Variants in SLC6A8 observed in about 807,000 individuals in gnomAD.
SLC6A8 encodes the protein solute carrier family 6 member 8.
A neutral mutation model predicts 48.3 loss-of-function variants in SLC6A8; 6 were observed. The observed-to-expected ratio is 0.12, with a 90% CI of 0.07 to 0.25. The LOEUF (loss-of-function observed/expected upper bound fraction) is 0.25. SLC6A8 is among the 10% of genes least tolerant of loss of function. SLC6A8 has a pLI of 1.00. For missense variants in SLC6A8, 260 were observed against 551.5 expected (o/e 0.47, Z 5.29); for synonymous variants, 245 against 244.0 (o/e 1.00, Z -0.04).
intron 1 of SLC6A8, 40 bp downstream of exon 1, chrX:153,688,876 G>GC: frequency 2.2e-6 from 2 of 925,760 alleles, no homozygotes; most frequent in Non-Finnish European, 2.8e-6. Context: ...CCCCCAGCAG[G>GC]CCGCCGGCCC....
In SLC6A8 at chrX:153,694,810, C is replaced by T; in HGVS notation, c.1688C>T (p.Ala563Val). The T allele has an allele frequency of 8.3e-7, 1 of 1,209,930 alleles. No homozygotes were observed. Residue 563 changes from alanine to valine, a missense_variant, in exon 12 of 13, where the codon GCC becomes GTC. By Grantham distance (64) the Ala-to-Val change is moderately conservative. This residue lies in a region of SLC6A8 where 87 missense variants were observed against 120.9 expected (regional missense o/e 0.72). Transcript: ENST00000253122. ...TGGTGGGGTGAGGCCATGGGCTGGGCCTTCGCCCTGTCCTCCATGCTGTGC... is the reference window on the plus strand; with the variant it reads ...TGGTGGGGTGAGGCCATGGGCTGGGTCTTCGCCCTGTCCTCCATGCTGTGC... Reference protein sequence around the residue: ...YPWWGEAMGWAFALSSMLCVP... With the variant: ...YPWWGEAMGWVFALSSMLCVP...
At position 153,694,547 on chromosome X, in the gene SLC6A8, A is replaced by G; in HGVS notation, c.1510A>G (p.Met504Val). The part of the protein sequence containing the change: ...VAWVYGADRF[M>V]DDIACMIGYR... ...CCTCGCCGCAGGAGCTGACCGCTTC[A>G]TGGACGACATTGCCTGTATGATCGG... The change falls in exon 11 of 13, where the codon ATG becomes GTG. Residue 504 changes from methionine (M) to valine (V), a missense_variant. Met to Val is a conservative substitution (Grantham distance 21, BLOSUM62 1). This residue lies in a region of SLC6A8 where 87 missense variants were observed against 120.9 expected (regional missense o/e 0.72). Transcript: ENST00000253122. 2 of 1,208,301 alleles carry G rather than the reference A, an allele frequency of 1.7e-6. No homozygotes were observed. Among genetic ancestry groups the G allele is most frequent in the Non-Finnish European group, 2.2e-6 (2 of 893,605 alleles).
At chrX:153,689,808 C>T (rs782633515) in intron 1 of SLC6A8, among the ~76,000 whole-genome samples, 163 of 112,002 alleles carry the variant, frequency 1.5e-3, no homozygotes, top group Admixed American at 5.2e-3. Context: ...TTGCTAAGGC[C>T]GGCCTGGCCC....
intron 1 of SLC6A8, among the ~76,000 whole-genome samples, chrX:153,689,968 C>G (rs1307491685): frequency 8.9e-6 from 1 of 112,862 alleles, no homozygotes; most frequent in East Asian, 2.8e-4. Context: ...GATGAGCCCC[C>G]CAGGCCTGAT....
rs782030501 is a variant in SLC6A8, at chrX:153,694,008, C to T, written c.1245C>T (p.Leu415=). Residue 415 remains leucine, a synonymous_variant, in exon 8 of 13, where the codon CTC becomes CTT. Coordinates refer to ENST00000253122, the MANE Select transcript of SLC6A8 (RefSeq NM_005629.4). Reference sequence around the variant, plus strand: ...TCTTCATGCTGTTGCTGCTTGGTCTCGACAGCCAGGTTTGCATGGGGCTCT... The same window carrying T: ...TCTTCATGCTGTTGCTGCTTGGTCTTGACAGCCAGGTTTGCATGGGGCTCT... ...LFFFMLLLLG[L]DSQFVGVEGF... 2.8e-5 allele frequency: 33 copies of T among 1,178,769 alleles called. No individual in the cohort carries two copies. Among genetic ancestry groups the T allele is most frequent in the Non-Finnish European group, 3.2e-5 (28 of 877,529 alleles).
Position 153,693,310 on chromosome X carries a change from C to T in SLC6A8, c.960C>T (p.Gly320=), listed in dbSNP as rs1603216822. ...AGATTTTCTTTTCTTACGCCATTGG[C>T]CTGGGGGCCCTCACAGCCCTGGGCA... The part of the protein sequence containing the change: ...GTQIFFSYAI[G]LGALTALGSY... Residue 320 remains glycine (G), a synonymous_variant, in exon 6 of 13, where the codon GGC becomes GGT. Coordinates refer to ENST00000253122, the MANE Select transcript of SLC6A8 (RefSeq NM_005629.4). 1 of 1,209,953 alleles carries T rather than the reference C, an allele frequency of 8.3e-7. No homozygotes were observed. The highest frequency in any genetic ancestry group is 1.7e-5 in the African/African-American group (1 of 57,269).
chrX:153,695,666 G>A lies in SLC6A8; in HGVS notation c.*452G>A, dbSNP rs1557046034. The A allele has an allele frequency of 2.9e-5, 5 of 173,032 alleles. No homozygotes were observed. The highest frequency in any genetic ancestry group is 1.5e-4 in the Admixed American group (2 of 13,739). The allele number at this position is 173,032 out of a possible 1,213,427, so 14.3% of individuals were successfully genotyped here. ...GAGGAGAGAGAGGAGAAGGGAGGCA[G>A]GGGAGGGGCAGCAGAACCAAGGCAA... On this transcript the variant is annotated 3_prime_UTR_variant, in exon 13 of 13. Coordinates refer to ENST00000253122, the MANE Select transcript of SLC6A8 (RefSeq NM_005629.4).
In SLC6A8 at chrX:153,695,527, C is replaced by G; in HGVS notation, c.*313C>G. 1 of 331,755 alleles carries G rather than the reference C, an allele frequency of 3.0e-6. No homozygotes were observed. The highest frequency in any genetic ancestry group is 3.8e-5 in the South Asian group (1 of 26,453). The allele number at this position is 331,755 out of a possible 1,213,427, so 27.3% of individuals were successfully genotyped here. ...CTCCTGCCCCTGCCACGCCCACCCC[C>G]TGCCCACCTCTCCAGGCTCTGCTCT... On this transcript the variant is annotated 3_prime_UTR_variant, in exon 13 of 13. Coordinates refer to ENST00000253122, the MANE Select transcript of SLC6A8 (RefSeq NM_005629.4).
intron 1 of SLC6A8, 53 bp downstream of exon 1, chrX:153,688,889 G>A (rs1187999217): frequency 1.2e-6 from 1 of 844,432 alleles, no homozygotes; most frequent in Admixed American, 4.3e-5. Context: ...GCCGGCCCCC[G>A]CCCGACCCCC....
At chrX:153,691,864 C>T in intron 3 of SLC6A8, 111 bp from the exon 4 acceptor site, 1 of 910,484 alleles carries the variant, frequency 1.1e-6, no homozygotes. Context: ...CAAGAGGGAC[C>T]CGCTGAACCC....
In SLC6A8 at chrX:153,694,561, C is replaced by T; in HGVS notation, c.1524C>T (p.Ala508=). 8.3e-7 allele frequency: 1 copy of T among 1,207,938 alleles called. No homozygotes were observed. The part of the protein sequence containing the change: ...YGADRFMDDI[A]CMIGYRPCPW... ...CTGACCGCTTCATGGACGACATTGC[C>T]TGTATGATCGGGTACCGACCTTGCC... Residue 508 remains alanine, a synonymous_variant, in exon 11 of 13, where the codon GCC becomes GCT. Coordinates refer to ENST00000253122, the MANE Select transcript of SLC6A8 (RefSeq NM_005629.4).
At chrX:153,691,804 G>A (rs1199467407) in intron 3 of SLC6A8, among the ~76,000 whole-genome samples, 171 bp from the exon 4 acceptor site, 1 of 112,926 alleles carries the variant, frequency 8.9e-6, no homozygotes, top group Non-Finnish European at 1.9e-5. Flanking sequence ...GGATGGGAGT[G>A]GCCTCCCAAT....
intron 2 of SLC6A8, chrX:153,690,940 G>A (rs1285242772): frequency 1.8e-5 from 5 of 272,397 alleles, no homozygotes; most frequent in African/African-American, 1.4e-4. Context: ...GAGGACTGGA[G>A]GCTACTGGGT....
rs2091484427 is a variant in SLC6A8, at chrX:153,695,355, T to G, written c.*141T>G. On this transcript the variant is annotated 3_prime_UTR_variant, in exon 13 of 13. Coordinates refer to ENST00000253122, the MANE Select transcript of SLC6A8 (RefSeq NM_005629.4). ...GGAGGAGGGGAGAAAGCACCATGAG[T>G]GCTCACTAAAACAACTTTTTCCATT... 1.7e-6 allele frequency: 1 copy of G among 596,606 alleles called. No individual in the cohort carries two copies. The highest frequency in any genetic ancestry group is 2.7e-5 in the South Asian group (1 of 36,813). The allele number at this position is 596,606 out of a possible 1,213,427, so 49.2% of individuals were successfully genotyped here.
chrX:153,693,122 G>A lies in SLC6A8; in HGVS notation c.859G>A (p.Asp287Asn). 8.3e-7 allele frequency: 1 copy of A among 1,210,654 alleles called. No homozygotes were observed. Among genetic ancestry groups the A allele is most frequent in the East Asian group, 3.0e-5 (1 of 33,808 alleles). Residue 287 changes from aspartate (D) to asparagine (N), a missense_variant, in exon 5 of 13, where the codon GAT (aspartate) becomes AAT (asparagine). Physicochemically the swap from Asp to Asn is conservative, Grantham distance 23. Coordinates refer to ENST00000253122, the MANE Select transcript of SLC6A8 (RefSeq NM_005629.4). ...TGGAGTGCTGCTGCCTGGCGCCCTG[G>A]ATGGCATCATTTACTATCTCAAGCC... ...VRGVLLPGAL[D>N]GIIYYLKPDW... is the part of the protein sequence containing the mutation.
intron 7 of SLC6A8, 65 bp downstream of exon 7, chrX:153,693,651 G>C: frequency 8.9e-7 from 1 of 1,118,861 alleles, no homozygotes; most frequent in Admixed American, 2.2e-5. Context: ...TGATGTACAG[G>C]AACATGCAAT....
intron 2 of SLC6A8, chrX:153,690,902 C>CG (rs797031865): frequency 7.6e-5 from 18 of 236,969 alleles, no homozygotes; most frequent in African/African-American, 2.7e-4. Context: ...ACCCCCCCCC[C>CG]CCACCACCAC....
rs781811330 is a variant in SLC6A8, at chrX:153,694,772, C to G, written c.1650C>G (p.Thr550=). 13 of 1,209,175 alleles carry G rather than the reference C, an allele frequency of 1.1e-5. No homozygotes were observed. Among genetic ancestry groups the G allele is most frequent in the East Asian group, 3.0e-5 (1 of 33,771 alleles). The change falls in exon 12 of 13, where the codon ACC becomes ACG. Residue 550 remains threonine (T), a synonymous_variant. Transcript: ENST00000253122. ...VYYEPLVYNN[T]YVYPWWGEAM... ...ACGAGCCGCTGGTCTACAACAACACCTACGTGTACCCGTGGTGGGGTGAGG... is the reference window on the plus strand; with the variant it reads ...ACGAGCCGCTGGTCTACAACAACACGTACGTGTACCCGTGGTGGGGTGAGG...
Position 153,696,503 on chromosome X carries a change from G to C in SLC6A8, c.*1289G>C, listed in dbSNP as rs1388554705. The C allele has an allele frequency of 1.8e-5, 6 of 329,446 alleles. No individual in the cohort carries two copies. The highest frequency in any genetic ancestry group is 3.1e-5 in the Admixed American group (1 of 32,065). 27.2% of individuals were successfully genotyped at this position (329,446 alleles called of 1,213,427 possible). A position where few individuals can be genotyped will look rare whatever the true frequency, so the allele number is the denominator to read the frequency against. The stretch of plus-strand genomic sequence containing the variant: ...AGACAGAGGCTGCAGGGCTGGGGCT[G>C]GGTGAGGGTGGCGGGCCTGCGGGGA... On this transcript the variant is annotated 3_prime_UTR_variant, in exon 13 of 13. Transcript: ENST00000253122.
Sources: allele counts gnomAD v4.1 joint callset (sites outside exome capture counted in the v4.1 genomes callset), GRCh38; gene constraint gnomAD v4.1.1; regional missense constraint gnomAD v4.1.1; transcripts MANE v1.5; gene names NCBI Gene and HGNC (gene_info 2026-07-23, HGNC 2026-07-21).